KIFAP3: variants seen among roughly 807,000 people sequenced by gnomAD.
The protein encoded by KIFAP3 is kinesin-associated protein 3.
KIFAP3 carries 68 observed loss-of-function variants against 106.5 expected under a neutral mutation model. That is an observed-to-expected ratio of 0.64 (90% CI 0.53 to 0.78). The LOEUF (loss-of-function observed/expected upper bound fraction) is 0.78. Among genes scored for constraint, KIFAP3 ranks in the 30% least tolerant of loss-of-function variants. KIFAP3 has a pLI of 0.00. For missense variants in KIFAP3, 780 were observed against 941.8 expected (o/e 0.83, Z 2.25); for synonymous variants, 320 against 311.5 (o/e 1.03, Z -0.29).
chr1:170,028,413 T>C (rs1170201330), intron 8 of KIFAP3, among the ~76,000 whole-genome samples: 2 of 152,298 alleles, frequency 1.3e-5, no homozygotes, highest in South Asian at 2.1e-4. Context: ...TCTTGGCTCA[T>C]TGCAACCTCC....
At chr1:170,082,895 C>G (rs1180413078) in intron 1 of KIFAP3, among the ~76,000 whole-genome samples, 1 of 152,116 alleles carries the variant, frequency 6.6e-6, no homozygotes, top group Non-Finnish European at 1.5e-5. Context: ...ATCGCCTGAA[C>G]CCAGGAGGCA....
At chr1:169,989,550 A>G (rs995381461) in intron 11 of KIFAP3, among the ~76,000 whole-genome samples, 2 of 152,008 alleles carry the variant, frequency 1.3e-5, no homozygotes. Context: ...CTGTAATCTC[A>G]CTTTGACTTG....
chr1:169,974,867 T>C (rs1218639185), intron 16 of KIFAP3, among the ~76,000 whole-genome samples: 1 of 151,976 alleles, frequency 6.6e-6, no homozygotes, highest in Admixed American at 6.6e-5. Flanking sequence ...ATGTGGATTA[T>C]AATCTTCCCT....
At chr1:169,949,296 G>T (rs1017510196) in intron 19 of KIFAP3, among the ~76,000 whole-genome samples, 50 of 151,996 alleles carry the variant, frequency 3.3e-4, no homozygotes, top group African/African-American at 1.2e-3. Flanking sequence ...GAGTCAGATG[G>T]CTCAGATAAT....
chr1:170,064,805 A>C (rs1414717504), intron 1 of KIFAP3, among the ~76,000 whole-genome samples: 2 of 152,232 alleles, frequency 1.3e-5, no homozygotes, highest in African/African-American at 4.8e-5. Flanking sequence ...TCATAAATAT[A>C]CTACATCAAA....
At chr1:169,989,503 C>T (rs572958262) in intron 11 of KIFAP3, among the ~76,000 whole-genome samples, 3 of 152,064 alleles carry the variant, frequency 2.0e-5, no homozygotes, top group African/African-American at 7.2e-5. Context: ...AAAGCAGAAA[C>T]CTTTAGAACA....
chr1:169,951,927 C>T lies in KIFAP3; in HGVS notation c.2273+2084G>A, dbSNP rs140622015. Among the ~76,000 whole-genome samples, 766 of 151,912 alleles carry T rather than the reference C, an allele frequency of 5.0e-3. 13 individuals are homozygous for T. Among genetic ancestry groups the T allele is most frequent in the Admixed American group, 0.015 (223 of 15,276 alleles). On this transcript the variant is annotated intron_variant, in intron 19 of 19. Transcript: ENST00000361580. ...TTTTTCAATATAAATATTAAGATCA[C>T]ATATCTAAATCATTTCATCCTTTCC...
intron 10 of KIFAP3, among the ~76,000 whole-genome samples, chr1:170,005,059 A>G (rs1340048550): frequency 6.6e-6 from 1 of 152,142 alleles, no homozygotes; most frequent in African/African-American, 2.4e-5. Context: ...ATATGAACAG[A>G]CACTTCTCAA....
intron 11 of KIFAP3, among the ~76,000 whole-genome samples, chr1:169,988,839 ATTGTACAGTATCAT>A (rs1217804999): frequency 1.3e-5 from 2 of 152,058 alleles, no homozygotes; most frequent in African/African-American, 4.8e-5. Context: ...GAGCAAATAT[ATTGTACAGTATCAT>A]TTGGTTTTCT....
chr1:169,983,060 G>C (rs1251595008), intron 13 of KIFAP3, among the ~76,000 whole-genome samples, 193 bp from the exon 14 acceptor site: 1 of 151,846 alleles, frequency 6.6e-6, no homozygotes, highest in African/African-American at 2.4e-5. Flanking sequence ...ACTGTAGTGG[G>C]GTGGAGGGAT....
chr1:169,934,439 A>T (rs959380872), intron 19 of KIFAP3, among the ~76,000 whole-genome samples: 3 of 152,174 alleles, frequency 2.0e-5, no homozygotes, highest in Non-Finnish European at 4.4e-5. Context: ...ATCTTATTTG[A>T]TACTCAGTGA....
intron 1 of KIFAP3, among the ~76,000 whole-genome samples, chr1:170,056,089 T>C (rs534637404): frequency 1.4e-4 from 21 of 151,344 alleles, no homozygotes; most frequent in African/African-American, 3.9e-4. Context: ...GCCTGGGCAA[T>C]AGAACGAAAC....
At chr1:169,972,434 T>C (rs1198943860) in intron 17 of KIFAP3, 79 bp downstream of exon 17, 1 of 724,330 alleles carries the variant, frequency 1.4e-6, no homozygotes, top group African/African-American at 1.8e-5. Flanking sequence ...CTGAATGCAT[T>C]GTTTAAAATA....
At chr1:169,923,530 C>T (rs992748524) in intron 19 of KIFAP3, among the ~76,000 whole-genome samples, 4 of 152,166 alleles carry the variant, frequency 2.6e-5, no homozygotes, top group African/African-American at 9.7e-5. Flanking sequence ...TGCTTATTAC[C>T]TGTCTTCAAC....
Position 169,986,513 on chromosome 1 carries a change from T to C in KIFAP3, c.1285-1823A>G, listed in dbSNP as rs143422811. 2.4e-3 allele frequency among the ~76,000 whole-genome samples: 371 copies of C among 151,970 alleles called. 1 individual carries two copies. The highest frequency in any genetic ancestry group is 8.4e-3 in the African/African-American group (348 of 41,506). ...GGTAAGAATCATTAATACTTAATAA[T>C]GCCACAGAATAAAAAAAGATTCAAG... is the stretch of plus-strand genomic sequence containing the variant. On this transcript the variant is annotated intron_variant, in intron 11 of 19. Coordinates refer to ENST00000361580, the MANE Select transcript of KIFAP3 (RefSeq NM_014970.4).
At chr1:169,931,069 G>C (rs1178976819) in intron 19 of KIFAP3, among the ~76,000 whole-genome samples, 1 of 151,786 alleles carries the variant, frequency 6.6e-6, no homozygotes, top group African/African-American at 2.4e-5. Context: ...ACAGGCCCGT[G>C]CCACAATGCC....
chr1:169,962,106 G>A (rs1665370711), intron 17 of KIFAP3, among the ~76,000 whole-genome samples: 1 of 152,114 alleles, frequency 6.6e-6, no homozygotes, highest in South Asian at 2.1e-4. Context: ...TGTTTTAGCT[G>A]CTAAAATGGT....
intron 10 of KIFAP3, among the ~76,000 whole-genome samples, chr1:170,014,205 C>T (rs1668392354): frequency 6.6e-6 from 1 of 152,172 alleles, no homozygotes; most frequent in Non-Finnish European, 1.5e-5. Flanking sequence ...GAGCAGATTT[C>T]TGATTATAAC....
Position 169,984,578 on chromosome 1 carries a change from T to G in KIFAP3, c.1393+4A>C, listed in dbSNP as rs1331839339. ...AAAAGTTACCTACACTCAAAGGCACTGACCTTCACAGATAAGCTGTACATT... is the reference window on the plus strand; with the variant it reads ...AAAAGTTACCTACACTCAAAGGCACGGACCTTCACAGATAAGCTGTACATT... On this transcript the variant is annotated splice_donor_region_variant and intron_variant, in intron 12 of 19. Transcript: ENST00000361580. 2 of 1,527,302 alleles carry G rather than the reference T, an allele frequency of 1.3e-6. No homozygotes were observed. Among genetic ancestry groups the G allele is most frequent in the African/African-American group, 2.7e-5 (2 of 73,062 alleles). 94.6% of individuals were successfully genotyped at this position (1,527,302 alleles called of 1,614,324 possible). A position where few individuals can be genotyped will look rare whatever the true frequency, so the allele number is the denominator to read the frequency against.
Sources: allele counts gnomAD v4.1 joint callset (sites outside exome capture counted in the v4.1 genomes callset), GRCh38; gene constraint gnomAD v4.1.1; transcripts MANE v1.5; gene names NCBI Gene and HGNC (gene_info 2026-07-23, HGNC 2026-07-21).